Variants in PRKN observed in about 807,000 individuals in gnomAD.
The protein encoded by PRKN is parkin RBR E3 ubiquitin protein ligase.
A neutral mutation model predicts 59.5 loss-of-function variants in PRKN; 56 were observed. The observed-to-expected ratio is 0.94, with a 90% CI of 0.76 to 1.18. PRKN has a LOEUF of 1.18. Among genes scored for constraint, PRKN ranks in the 50% most tolerant of loss-of-function variants. PRKN has a pLI of 0.00. For synonymous variants in PRKN, 250 were observed against 222.1 expected (o/e 1.13, Z -1.12); for missense variants, 657 against 596.4 (o/e 1.10, Z -1.06).
chr6:162,086,254 G>T (rs111327909), intron 4 of PRKN, among the ~76,000 whole-genome samples: 28 of 152,232 alleles, frequency 1.8e-4, no homozygotes, highest in African/African-American at 6.5e-4. Flanking sequence ...GAATTAGTCT[G>T]GGCATCTCTC....
intron 7 of PRKN, among the ~76,000 whole-genome samples, chr6:161,590,765 G>A (rs1373313867): frequency 6.6e-6 from 1 of 151,406 alleles, no homozygotes; most frequent in Non-Finnish European, 1.5e-5. Flanking sequence ...CATAACTTGA[G>A]TCTAAACAGG....
chr6:162,054,344 G>A (rs1303957047), intron 4 of PRKN, among the ~76,000 whole-genome samples, 170 bp from the exon 5 acceptor site: 2 of 152,206 alleles, frequency 1.3e-5, no homozygotes, highest in Non-Finnish European at 2.9e-5. Context: ...TTCAAGGGAT[G>A]TGCTAGGTCA....
At chr6:162,615,033 GA>G (rs976359769) in intron 1 of PRKN, among the ~76,000 whole-genome samples, 1 of 152,042 alleles carries the variant, frequency 6.6e-6, no homozygotes, top group Non-Finnish European at 1.5e-5. Flanking sequence ...ACCTCAGCTG[GA>G]AGAAGATCAT....
rs1583571849 is a variant in PRKN at position 162,437,729 on chromosome 6, G to C, written c.171+5581C>G. On this transcript the variant is annotated intron_variant, in intron 2 of 11. Coordinates refer to ENST00000366898, the MANE Select transcript of PRKN (RefSeq NM_004562.3). Reference sequence around the variant, plus strand: ...TTTCCACACAGCACATTTCCCCTGAGATCCATCCAAGATATTTTGTATATC... The same window carrying C: ...TTTCCACACAGCACATTTCCCCTGACATCCATCCAAGATATTTTGTATATC... 1.3e-5 allele frequency among the ~76,000 whole-genome samples: 2 copies of C among 152,258 alleles called. 1 individual carries two copies. The highest frequency in any genetic ancestry group is 1.3e-4 in the Admixed American group (2 of 15,302).
intron 9 of PRKN, among the ~76,000 whole-genome samples, chr6:161,408,917 G>T (rs1288198919): frequency 6.6e-6 from 1 of 152,126 alleles, no homozygotes; most frequent in Non-Finnish European, 1.5e-5. Context: ...AAGACTTGCA[G>T]ATGCTGTATT....
chr6:161,382,332 T>G (rs898838660), intron 10 of PRKN, among the ~76,000 whole-genome samples: 2 of 151,908 alleles, frequency 1.3e-5, no homozygotes, highest in Non-Finnish European at 2.9e-5. Flanking sequence ...GGAGGCATGG[T>G]TGGTAGGCAG....
At chr6:161,898,984 G>T (rs1317118847) in intron 6 of PRKN, among the ~76,000 whole-genome samples, 2 of 152,228 alleles carry the variant, frequency 1.3e-5, no homozygotes, top group African/African-American at 2.4e-5. Context: ...GAAGTCAAGG[G>T]CAAAAGGGCA....
intron 5 of PRKN, among the ~76,000 whole-genome samples, chr6:162,011,224 T>TATATATAATATAGTA (rs1562458402): frequency 1.5e-5 from 1 of 68,656 alleles, no homozygotes; most frequent in African/African-American, 4.7e-5. Flanking sequence ...TAGTATATAT[T>TATATATAATATAGTA]TATAATATAT....
chr6:162,655,924 A>G (rs1432168381), intron 1 of PRKN, among the ~76,000 whole-genome samples: 2 of 152,212 alleles, frequency 1.3e-5, no homozygotes, highest in Non-Finnish European at 2.9e-5. Context: ...AAGGGGCATG[A>G]CACAATGTTA....
rs928480764 is a variant in PRKN at position 161,451,477 on chromosome 6, C to T, written c.1084-64600G>A. 2.7e-4 allele frequency among the ~76,000 whole-genome samples: 41 copies of T among 152,292 alleles called. No homozygotes were observed. Among genetic ancestry groups the T allele is most frequent in the Non-Finnish European group, 4.1e-4 (28 of 68,024 alleles). The stretch of plus-strand genomic sequence containing the variant: ...ATCAACAGACTCCATCAACAGGAGG[C>T]AACGCAGCCTCAGGATACCACCTGC... On this transcript the variant is annotated intron_variant, in intron 9 of 11. Coordinates refer to ENST00000366898, the MANE Select transcript of PRKN (RefSeq NM_004562.3). The surrounding 1 kb of genome is among the most constrained non-coding windows in gnomAD (Gnocchi z 5.9).
At position 161,550,366 on chromosome 6, in the gene PRKN, G is replaced by A. The variant is rs9355906; in HGVS notation, c.934-1363C>T. On this transcript the variant is annotated intron_variant, in intron 8 of 11. Transcript: ENST00000366898. This position sits in a 1 kb window ranked among gnomAD's most constrained non-coding sequence, Gnocchi z 4.0. ...CTGAGGCTGAGGCATGACATAATTT[G>A]ACTAATATTTTAAAGACATCCACCT... 0.18 allele frequency among the ~76,000 whole-genome samples: 27,565 copies of A among 152,150 alleles called. 3,121 individuals carry two copies. The highest frequency in any genetic ancestry group is 0.48 in the East Asian group (2,482 of 5,156).
At chr6:162,217,043 G>C (rs1015528036) in intron 3 of PRKN, among the ~76,000 whole-genome samples, 1 of 152,108 alleles carries the variant, frequency 6.6e-6, no homozygotes, top group African/African-American at 2.4e-5. Context: ...TCGGTGTACA[G>C]ACAAATATAG....
chr6:161,773,342 C>T (rs1418038016), intron 7 of PRKN, among the ~76,000 whole-genome samples: 1 of 152,102 alleles, frequency 6.6e-6, no homozygotes, highest in Non-Finnish European at 1.5e-5. Context: ...CAGGAGGTGC[C>T]CACTCTGATG....
chr6:161,927,855 A>G (rs1347919894), intron 6 of PRKN, among the ~76,000 whole-genome samples: 1 of 152,218 alleles, frequency 6.6e-6, no homozygotes, highest in Non-Finnish European at 1.5e-5. Flanking sequence ...AGAACTTTAG[A>G]TAAAGTTACT....
intron 1 of PRKN, among the ~76,000 whole-genome samples, chr6:162,677,709 A>AT (rs1779608804): frequency 6.6e-6 from 1 of 152,174 alleles, no homozygotes; most frequent in Non-Finnish European, 1.5e-5. Context: ...CCACGTTTGT[A>AT]TAATACCTGC....
chr6:162,451,078 AG>A (rs1248918431), intron 1 of PRKN, among the ~76,000 whole-genome samples: 2 of 152,188 alleles, frequency 1.3e-5, no homozygotes, highest in African/African-American at 4.8e-5. Flanking sequence ...TTGCACACAA[AG>A]AACAGATTTT....
chr6:162,323,128 G>A (rs569750147), intron 2 of PRKN, among the ~76,000 whole-genome samples: 65 of 150,676 alleles, frequency 4.3e-4, no homozygotes, highest in African/African-American at 1.2e-3. Flanking sequence ...GCTAGATGAC[G>A]AGTTAGTGGG....
intron 2 of PRKN, among the ~76,000 whole-genome samples, chr6:162,356,328 C>T (rs374725645): frequency 1.3e-5 from 2 of 151,764 alleles, no homozygotes; most frequent in African/African-American, 2.4e-5. Context: ...CTTTCATAGC[C>T]GTCCCCCCAC....
rs1284392864 is a variant in PRKN, at chr6:161,552,484, G to A, written c.934-3481C>T. ...CGCCTATGACTGTGAATGATCTCAC[G>A]GTGATCCTCCAAGCCCCTCTCCCTC... On this transcript the variant is annotated intron_variant, in intron 8 of 11. Coordinates refer to ENST00000366898, the MANE Select transcript of PRKN (RefSeq NM_004562.3). This position sits in a 1 kb window ranked among gnomAD's most constrained non-coding sequence, Gnocchi z 4.9. 2.5e-4 allele frequency among the ~76,000 whole-genome samples: 10 copies of A among 40,816 alleles called. 1 individual carries two copies. Among genetic ancestry groups the A allele is most frequent in the African/African-American group, 4.9e-4 (6 of 12,166 alleles). The allele number at this position is 40,816 out of a possible 152,430, so 26.8% of individuals were successfully genotyped here. A position where few individuals can be genotyped will look rare whatever the true frequency, so the allele number is the denominator to read the frequency against.
Sources: allele counts gnomAD v4.1 joint callset (sites outside exome capture counted in the v4.1 genomes callset), GRCh38; gene constraint gnomAD v4.1.1; non-coding constraint Gnocchi (gnomAD v3.1); transcripts MANE v1.5; gene names NCBI Gene and HGNC (gene_info 2026-07-23, HGNC 2026-07-21).